Variants in DLGAP2 observed in about 807,000 individuals in gnomAD.
DLGAP2 encodes disks large-associated protein 2.
DLGAP2 carries 26 observed loss-of-function variants against 100.3 expected under a neutral mutation model. The ratio of observed to expected loss-of-function variants is 0.26; its 90% confidence interval spans 0.19 to 0.36. DLGAP2 has a LOEUF of 0.36. DLGAP2 is among the 10% of genes least tolerant of loss of function. The probability of loss-of-function intolerance (pLI) is 1.00; values close to 1 mark genes in which losing one functional copy is unlikely to be tolerated. For missense variants in DLGAP2, 1,858 were observed against 1,453.2 expected (o/e 1.28, Z -4.53); for synonymous variants, 886 against 630.1 (o/e 1.41, Z -6.08).
intron 1 of DLGAP2, among the ~76,000 whole-genome samples, chr8:853,955 C>A (rs1032361473): frequency 6.6e-6 from 1 of 152,036 alleles, no homozygotes; most frequent in African/African-American, 2.4e-5. Context: ...GGGATAAGTG[C>A]CTTTTTAAAA....
intron 3 of DLGAP2, among the ~76,000 whole-genome samples, chr8:1,430,743 C>T (rs996446887): frequency 1.3e-5 from 2 of 152,218 alleles, no homozygotes; most frequent in Non-Finnish European, 2.9e-5. Context: ...TCAGAAATAT[C>T]TTCAACCTGC....
At chr8:960,332 T>C (rs1584925735) in intron 2 of DLGAP2, among the ~76,000 whole-genome samples, 1 of 142,976 alleles carries the variant, frequency 7.0e-6, no homozygotes, top group East Asian at 2.2e-4. Flanking sequence ...ACCTCCTGGC[T>C]TCAATCGATT....
chr8:859,617 G>A (rs528404128), intron 1 of DLGAP2, among the ~76,000 whole-genome samples: 2 of 152,322 alleles, frequency 1.3e-5, no homozygotes, highest in East Asian at 3.9e-4. Flanking sequence ...GGACGTTAGA[G>A]TCTGGGGATG....
intron 2 of DLGAP2, among the ~76,000 whole-genome samples, chr8:1,128,625 C>T: frequency 6.6e-6 from 1 of 152,266 alleles, no homozygotes; most frequent in Admixed American, 6.5e-5. Flanking sequence ...CCCACCATGA[C>T]CAGATTGGCC....
chr8:1,597,274 G>C (rs759978759), intron 6 of DLGAP2, among the ~76,000 whole-genome samples: 7 of 152,148 alleles, frequency 4.6e-5, no homozygotes, highest in Non-Finnish European at 7.4e-5. Context: ...TGGCCTTGTA[G>C]TATAGTTTGA....
At chr8:1,212,427 A>C (rs977021615) in intron 2 of DLGAP2, among the ~76,000 whole-genome samples, 4 of 152,108 alleles carry the variant, frequency 2.6e-5, no homozygotes, top group African/African-American at 9.7e-5. Flanking sequence ...GCTTTTAAAA[A>C]CCGTTCATTT....
intron 2 of DLGAP2, among the ~76,000 whole-genome samples, chr8:1,073,388 T>A (rs370700807): frequency 2.6e-5 from 4 of 152,132 alleles, no homozygotes; most frequent in African/African-American, 9.6e-5. Flanking sequence ...CACTCTGAAA[T>A]TTTTTTTAAT....
intron 3 of DLGAP2, among the ~76,000 whole-genome samples, chr8:1,480,423 G>T (rs76886041): frequency 0.013 from 1,920 of 152,230 alleles, 35 homozygotes; most frequent in African/African-American, 0.039. Context: ...CCATGGCAGG[G>T]CACGTTCCCA....
At chr8:1,367,720 T>C (rs10503165) in intron 3 of DLGAP2, among the ~76,000 whole-genome samples, 2 of 152,226 alleles carry the variant, frequency 1.3e-5, no homozygotes, top group African/African-American at 2.4e-5. Context: ...GTGTCTCATT[T>C]AAAACGGTTC....
intron 3 of DLGAP2, among the ~76,000 whole-genome samples, chr8:1,408,067 GC>G (rs1584867365): frequency 6.6e-6 from 1 of 152,194 alleles, no homozygotes. Flanking sequence ...AGTGCCAAAT[GC>G]CCCCCAGGGG....
chr8:1,467,218 C>A (rs957702123), intron 3 of DLGAP2, among the ~76,000 whole-genome samples: 1 of 143,898 alleles, frequency 6.9e-6, no homozygotes, highest in Non-Finnish European at 1.5e-5. Context: ...CATGGCTTCT[C>A]TGTTGGATGT....
intron 8 of DLGAP2, among the ~76,000 whole-genome samples, chr8:1,650,228 A>G (rs370700119): frequency 2.6e-5 from 4 of 152,368 alleles, no homozygotes; most frequent in African/African-American, 7.2e-5. Context: ...TGATGTGTAT[A>G]AGATAATGGA....
chr8:1,154,209 T>C (rs1209330872), intron 2 of DLGAP2, among the ~76,000 whole-genome samples: 1 of 152,026 alleles, frequency 6.6e-6, no homozygotes, highest in East Asian at 1.9e-4. Flanking sequence ...CACTACGGCG[T>C]CGTCCAAGCA....
At chr8:1,282,201 A>C (rs7813985) in intron 3 of DLGAP2, among the ~76,000 whole-genome samples, 3 of 107,900 alleles carry the variant, frequency 2.8e-5, no homozygotes, top group Non-Finnish European at 6.2e-5. Context: ...CCATCCGGAC[A>C]TGGTGTGACC....
intron 2 of DLGAP2, among the ~76,000 whole-genome samples, chr8:930,370 G>A (rs1798927622): frequency 6.9e-6 from 1 of 144,482 alleles, no homozygotes; most frequent in East Asian, 1.9e-4. Context: ...GTGTCCTACA[G>A]AGAGACAGTA....
chr8:1,326,656 C>T (rs538763747), intron 3 of DLGAP2, among the ~76,000 whole-genome samples: 2 of 152,246 alleles, frequency 1.3e-5, no homozygotes, highest in East Asian at 1.9e-4. Flanking sequence ...AGCTCTTAGT[C>T]TTGGTCTGGG....
At chr8:1,497,547 A>T (rs1019667761) in intron 3 of DLGAP2, among the ~76,000 whole-genome samples, 1 of 152,196 alleles carries the variant, frequency 6.6e-6, no homozygotes, top group Non-Finnish European at 1.5e-5. Context: ...GATCTACCAG[A>T]AGAAGGAGGA....
At chr8:1,545,286 T>A (rs1801496497) in intron 4 of DLGAP2, among the ~76,000 whole-genome samples, 1 of 152,192 alleles carries the variant, frequency 6.6e-6, no homozygotes, top group African/African-American at 2.4e-5. Flanking sequence ...AAGCACGGCG[T>A]GCACCCTGTA....
At chr8:1,164,072 C>G (rs1796945720) in intron 2 of DLGAP2, among the ~76,000 whole-genome samples, 1 of 147,602 alleles carries the variant, frequency 6.8e-6, no homozygotes, top group Non-Finnish European at 1.5e-5. Flanking sequence ...ACGCTGGCGC[C>G]GTCTTCTCTT....
Sources: allele counts gnomAD v4.1 joint callset (sites outside exome capture counted in the v4.1 genomes callset), GRCh38; gene constraint gnomAD v4.1.1; transcripts MANE v1.5; gene names NCBI Gene and HGNC (gene_info 2026-07-23, HGNC 2026-07-21).